Variants in GALNT10 observed in about 807,000 individuals in gnomAD.
GALNT10 encodes the protein polypeptide N-acetylgalactosaminyltransferase 10, also known as GalNAc transferase 10.
In GALNT10, 41 loss-of-function variants were observed where a neutral mutation model predicts 75.0. The ratio of observed to expected loss-of-function variants is 0.55; its 90% CI spans 0.43 to 0.71. The LOEUF is 0.71. GALNT10 is among the 30% of genes least tolerant of loss of function. GALNT10 has a pLI of 0.00. For synonymous variants in GALNT10, 302 were observed against 313.0 expected, an observed-to-expected ratio of 0.96 and a Z score of 0.37; for missense variants, 727 against 818.5, an observed-to-expected ratio of 0.89 and a Z score of 1.36.
intron 4 of GALNT10, among the ~76,000 whole-genome samples, chr5:154,365,273 G>C (rs992789913): frequency 6.6e-6 from 1 of 152,162 alleles, no homozygotes; most frequent in Non-Finnish European, 1.5e-5. Flanking sequence ...ACCTGCACCC[G>C]AGGAGTAGGT....
At position 154,329,735 on chromosome 5, in the gene GALNT10, C is replaced by G. The variant is rs1371188603; in HGVS notation, c.565C>G (p.Arg189Gly). ...EIVLVDDFSD[R>G]EHLKKPLEDY... ...TGTACTGGTCGACGACTTCAGTGAT[C>G]GAGGTAGGATCCGTCCCACCCAGCC... The change falls in exon 4 of 12, where the codon CGA becomes GGA. Residue 189 changes from arginine to glycine, a missense_variant. Physicochemically the swap from Arg to Gly is moderately radical, Grantham distance 125. Coordinates refer to ENST00000297107, the MANE Select transcript of GALNT10 (RefSeq NM_198321.4). 2.5e-6 allele frequency: 4 copies of G among 1,611,874 alleles called. No homozygotes were observed. The highest frequency in any genetic ancestry group is 1.3e-5 in the African/African-American group (1 of 74,822).
At chr5:154,309,406 A>G (rs1453156520) in intron 3 of GALNT10, among the ~76,000 whole-genome samples, 2 of 152,180 alleles carry the variant, frequency 1.3e-5, no homozygotes, top group Non-Finnish European at 2.9e-5. Context: ...AGAGAGTGAC[A>G]TGATCTGATT....
intron 1 of GALNT10, among the ~76,000 whole-genome samples, chr5:154,235,615 G>A (rs1408747011): frequency 3.9e-5 from 6 of 152,168 alleles, no homozygotes; most frequent in South Asian, 4.1e-4. Context: ...TGGACATTCC[G>A]TCATGGCTGT....
chr5:154,399,309 C>A (rs1290403003), intron 7 of GALNT10, among the ~76,000 whole-genome samples: 1 of 152,194 alleles, frequency 6.6e-6, no homozygotes, highest in South Asian at 2.1e-4. Context: ...AGCACCACCC[C>A]CCTAGCCCGT....
At chr5:154,333,834 A>G (rs1754902569) in intron 4 of GALNT10, among the ~76,000 whole-genome samples, 1 of 152,130 alleles carries the variant, frequency 6.6e-6, no homozygotes. Flanking sequence ...TCAGACTTGC[A>G]CCTCAGCTGT....
intron 4 of GALNT10, among the ~76,000 whole-genome samples, chr5:154,368,519 A>G (rs1755513749): frequency 6.6e-6 from 1 of 152,230 alleles, no homozygotes; most frequent in Non-Finnish European, 1.5e-5. Flanking sequence ...CTGCTCATCA[A>G]AAGTGTCCAT....
At chr5:154,276,422 A>G (rs1753954242) in intron 1 of GALNT10, among the ~76,000 whole-genome samples, 1 of 152,202 alleles carries the variant, frequency 6.6e-6, no homozygotes, top group South Asian at 2.1e-4. Flanking sequence ...GTACCGCCAG[A>G]TGGAGAAAGC....
chr5:154,266,969 T>C (rs1441317121), intron 1 of GALNT10, among the ~76,000 whole-genome samples: 2 of 152,194 alleles, frequency 1.3e-5, no homozygotes, highest in African/African-American at 4.8e-5. Flanking sequence ...GCTCATTACC[T>C]AGGCTTTCAG....
At chr5:154,236,635 T>C (rs1166320882) in intron 1 of GALNT10, among the ~76,000 whole-genome samples, 3 of 152,262 alleles carry the variant, frequency 2.0e-5, no homozygotes, top group Non-Finnish European at 2.9e-5. Flanking sequence ...ATGTAATTTA[T>C]GGCGTCCACT....
At chr5:154,308,985 A>G (rs139003809) in intron 3 of GALNT10, among the ~76,000 whole-genome samples, 1 of 152,360 alleles carries the variant, frequency 6.6e-6, no homozygotes, top group Non-Finnish European at 1.5e-5. Flanking sequence ...TGGGAGAGTC[A>G]TAATATAAAC....
intron 4 of GALNT10, among the ~76,000 whole-genome samples, chr5:154,348,598 G>A (rs1253567376): frequency 6.6e-6 from 1 of 152,158 alleles, no homozygotes; most frequent in Admixed American, 6.5e-5. Context: ...TTTTCTAGGT[G>A]TTGGTATGAG....
At chr5:154,207,632 C>G (rs1012385608) in intron 1 of GALNT10, among the ~76,000 whole-genome samples, 5 of 152,114 alleles carry the variant, frequency 3.3e-5, no homozygotes, top group African/African-American at 9.7e-5. Flanking sequence ...GAATCCTGAC[C>G]TAAGTCTTTT....
intron 1 of GALNT10, among the ~76,000 whole-genome samples, chr5:154,285,131 T>A (rs1754093291): frequency 6.6e-6 from 1 of 152,128 alleles, no homozygotes; most frequent in Non-Finnish European, 1.5e-5. Flanking sequence ...TCACAGTGCC[T>A]TCTGAGGTAA....
At position 154,376,293 on chromosome 5, in the gene GALNT10, T is replaced by G. The variant is rs757265058; in HGVS notation, c.585T>G (p.Pro195=). Residue 195 remains proline (P), a synonymous_variant, in exon 5 of 12, where the codon CCT becomes CCG. Coordinates refer to ENST00000297107, the MANE Select transcript of GALNT10 (RefSeq NM_198321.4). This position sits in a 1 kb window ranked among gnomAD's most constrained non-coding sequence, Gnocchi z 4.1. ...DFSDREHLKK[P]LEDYMALFPS... is the part of the protein sequence containing the mutation. Reference sequence around the variant, plus strand: ...GTCTCATAGAGCACCTGAAGAAGCCTCTTGAAGACTACATGGCCCTTTTCC... The same window carrying G: ...GTCTCATAGAGCACCTGAAGAAGCCGCTTGAAGACTACATGGCCCTTTTCC... 10 of 1,611,522 alleles carry G rather than the reference T, an allele frequency of 6.2e-6. No homozygotes were observed. The African/African-American group carries it at 1.1e-4, about 17-fold the overall frequency.
chr5:154,410,388 A>G (rs1396117396), intron 9 of GALNT10, among the ~76,000 whole-genome samples: 2 of 151,376 alleles, frequency 1.3e-5, no homozygotes, highest in African/African-American at 2.4e-5. Flanking sequence ...AAAAAAAAAA[A>G]AAAAAAAGAA....
At chr5:154,408,265 A>G (rs1756324491) in intron 8 of GALNT10, among the ~76,000 whole-genome samples, 3 of 152,178 alleles carry the variant, frequency 2.0e-5, no homozygotes, top group South Asian at 4.1e-4. Context: ...TCCTAGAGCA[A>G]TCCTTCACAC....
At chr5:154,276,522 C>T (rs1352641676) in intron 1 of GALNT10, among the ~76,000 whole-genome samples, 1 of 152,132 alleles carries the variant, frequency 6.6e-6, no homozygotes, top group Non-Finnish European at 1.5e-5. Flanking sequence ...AGTGATATCT[C>T]ATCATATTCA....
intron 1 of GALNT10, among the ~76,000 whole-genome samples, chr5:154,205,002 C>A (rs1264619879): frequency 6.6e-6 from 1 of 152,144 alleles, no homozygotes; most frequent in Non-Finnish European, 1.5e-5. Context: ...ACCTGTGTTC[C>A]CAGATACCCT....
chr5:154,321,336 G>A (rs1754670624), intron 3 of GALNT10, among the ~76,000 whole-genome samples: 1 of 150,586 alleles, frequency 6.6e-6, no homozygotes, highest in African/African-American at 2.4e-5. Flanking sequence ...TTGAGACACG[G>A]TCTCGCTCTG....
Sources: allele counts gnomAD v4.1 joint callset (sites outside exome capture counted in the v4.1 genomes callset), GRCh38; gene constraint gnomAD v4.1.1; non-coding constraint Gnocchi (gnomAD v3.1); transcripts MANE v1.5; gene names NCBI Gene and HGNC (gene_info 2026-07-23, HGNC 2026-07-21).